MICAL2: variants seen among roughly 807,000 people sequenced by gnomAD.
MICAL2 encodes the protein [F-actin]-monooxygenase MICAL2.
MICAL2 carries 77 observed loss-of-function variants against 127.3 expected under a neutral mutation model. That is an observed-to-expected ratio of 0.60 (90% CI 0.50 to 0.73). The LOEUF (loss-of-function observed/expected upper bound fraction) is 0.73, where lower values mean the gene tolerates loss of function less well. MICAL2 is among the 30% of genes least tolerant of loss of function. MICAL2 has a pLI of 0.00. For missense variants in MICAL2, 1,351 were observed against 1,434.4 expected, an observed-to-expected ratio of 0.94 and a Z score of 0.94; for synonymous variants, 570 against 551.1, an observed-to-expected ratio of 1.03 and a Z score of -0.48.
downstream of MICAL2, among the ~76,000 whole-genome samples, chr11:12,291,554 G>A (rs1398988101): frequency 2.6e-5 from 4 of 152,192 alleles, no homozygotes; most frequent in African/African-American, 9.7e-5. Flanking sequence ...CAGGAGCTTG[G>A]CATGGGCCCA....
chr11:12,302,738 C>T (rs1030749307), intron 29 of MICAL2, among the ~76,000 whole-genome samples: 1 of 151,950 alleles, frequency 6.6e-6, no homozygotes, highest in African/African-American at 2.4e-5. Context: ...TCATAAAGTA[C>T]AGAAGCCTCA....
chr11:12,161,104 G>A (rs1157051241), intron 2 of MICAL2, among the ~76,000 whole-genome samples: 1 of 152,224 alleles, frequency 6.6e-6, no homozygotes, highest in Non-Finnish European at 1.5e-5. Flanking sequence ...AGCTGGGTCA[G>A]CCCCAGCTCC....
At chr11:12,319,950 C>T (rs113076780) in intron 30 of MICAL2, 8 of 610,954 alleles carry the variant, frequency 1.3e-5, no homozygotes, top group Non-Finnish European at 2.3e-5. Flanking sequence ...AGAGTGCTCT[C>T]TTTACCTTGA....
At chr11:12,228,836 G>T (rs1857827356) in intron 15 of MICAL2, among the ~76,000 whole-genome samples, 1 of 152,196 alleles carries the variant, frequency 6.6e-6, no homozygotes, top group Admixed American at 6.5e-5. Context: ...GGAGTGGGGA[G>T]TTCCTGGGGT....
Position 12,242,720 on chromosome 11 carries a change from A to G in MICAL2, c.2606A>G (p.Lys869Arg). The change falls in exon 20 of 28, where the codon AAG (lysine) becomes AGG (arginine). Residue 869 changes from lysine to arginine, a missense_variant. Transcript: ENST00000683283. ...AGGGAATTTCACACAAAGAACATTA[A>G]GGAGAAGGCGGCTCACCTTGCCTCC... ...ANREFHTKNIKEKAAHLASMF... is the reference protein window; with the variant it reads ...ANREFHTKNIREKAAHLASMF... 3.1e-6 allele frequency: 5 copies of G among 1,612,492 alleles called. No homozygotes were observed. Among genetic ancestry groups the G allele is most frequent in the Non-Finnish European group, 2.5e-6 (3 of 1,179,492 alleles).
intron 29 of MICAL2, among the ~76,000 whole-genome samples, chr11:12,317,381 C>A (rs1399155194): frequency 6.6e-6 from 1 of 152,194 alleles, no homozygotes; most frequent in African/African-American, 2.4e-5. Context: ...AAAATAGATG[C>A]TTCATGTATT....
chr11:12,174,356 C>A (rs558623964), intron 3 of MICAL2, among the ~76,000 whole-genome samples: 1 of 149,744 alleles, frequency 6.7e-6, no homozygotes, highest in Non-Finnish European at 1.5e-5. Flanking sequence ...CTCTCCTCCC[C>A]ACCCCCACCC....
At chr11:12,223,590 T>G (rs1857075632) in intron 12 of MICAL2, 89 bp downstream of exon 12, 1 of 1,175,366 alleles carries the variant, frequency 8.5e-7, no homozygotes, top group Non-Finnish European at 1.3e-6. Context: ...ACACAGGCAC[T>G]GCAACCAGCC....
intron 3 of MICAL2, among the ~76,000 whole-genome samples, chr11:12,163,262 A>G (rs1397739307): frequency 6.6e-6 from 1 of 152,132 alleles, no homozygotes; most frequent in Non-Finnish European, 1.5e-5. Flanking sequence ...GTCTCAGCTG[A>G]CTTCCCTGGT....
intron 29 of MICAL2, among the ~76,000 whole-genome samples, chr11:12,311,427 T>C (rs1209884656): frequency 6.6e-6 from 1 of 152,028 alleles, no homozygotes; most frequent in Non-Finnish European, 1.5e-5. Context: ...TTTATTTTAT[T>C]TTGAGACAGA....
At chr11:12,192,403 C>A (rs1357665795) in intron 3 of MICAL2, among the ~76,000 whole-genome samples, 3 of 152,210 alleles carry the variant, frequency 2.0e-5, no homozygotes, top group African/African-American at 7.2e-5. Flanking sequence ...CTGCTGGGAT[C>A]ACAGTGTCCA....
intron 3 of MICAL2, among the ~76,000 whole-genome samples, chr11:12,177,212 T>C (rs993650790): frequency 1.3e-5 from 2 of 152,200 alleles, no homozygotes; most frequent in Admixed American, 1.3e-4. Context: ...TGAGGTGGCA[T>C]CTCATGATTT....
chr11:12,325,814 C>T (rs545164103), intron 31 of MICAL2, among the ~76,000 whole-genome samples: 6 of 152,298 alleles, frequency 3.9e-5, no homozygotes, highest in African/African-American at 1.4e-4. Context: ...TGGGGTGGGA[C>T]ACAATTTAGT....
At chr11:12,356,532 C>T (rs931583312) in intron 34 of MICAL2, among the ~76,000 whole-genome samples, 1 of 152,142 alleles carries the variant, frequency 6.6e-6, no homozygotes, top group Non-Finnish European at 1.5e-5. Context: ...CATCCCCCAT[C>T]ATTGGGCTGC....
In MICAL2 at chr11:12,146,300, T is replaced by G. The variant is rs574136203; in HGVS notation, c.-78+7840T>G. Among the ~76,000 whole-genome samples the G allele has an allele frequency of 3.2e-3, 492 of 152,236 alleles. 2 individuals carry two copies. Among genetic ancestry groups the G allele is most frequent in the African/African-American group, 9.6e-3 (400 of 41,526 alleles). On this transcript the variant is annotated intron_variant, in intron 2 of 27. Coordinates refer to ENST00000683283, the MANE Select transcript of MICAL2 (RefSeq NM_001282663.2). Reference sequence around the variant, plus strand: ...GGCAACCTACAGAATGGGAGAAAATTTTTGCAATCTACTCATCTGACAAAG... The same window carrying G: ...GGCAACCTACAGAATGGGAGAAAATGTTTGCAATCTACTCATCTGACAAAG...
In MICAL2 at chr11:12,255,750, G is replaced by A; in HGVS notation, c.2955G>A (p.Leu985=). ...RPKAQATSPD[L]ESMRKSFPLN... ...AGGCCCAGGCCACCTCTCCAGACCT[G>A]GTAAGGACATGCACCCCCAGCCTTC... Residue 985 remains leucine, a splice_region_variant and synonymous_variant, in exon 23 of 28, where the codon CTG becomes CTA. Coordinates refer to ENST00000683283, the MANE Select transcript of MICAL2 (RefSeq NM_001282663.2). 6.2e-7 allele frequency: 1 copy of A among 1,611,290 alleles called. No homozygotes were observed. The highest frequency in any genetic ancestry group is 8.5e-7 in the Non-Finnish European group (1 of 1,178,436).
At chr11:12,320,409 A>G (rs949525082) in intron 30 of MICAL2, among the ~76,000 whole-genome samples, 2 of 152,176 alleles carry the variant, frequency 1.3e-5, no homozygotes, top group African/African-American at 4.8e-5. Context: ...CAAACATTTT[A>G]TATGTTTATA....
chr11:12,239,497 G>A lies in MICAL2; in HGVS notation c.2126G>A (p.Gly709Asp), dbSNP rs368460136. The A allele has an allele frequency of 8.7e-6, 14 of 1,614,110 alleles. No individual in the cohort carries two copies. In the African/African-American group the frequency reaches 1.6e-4, roughly 18 times the overall value. Residue 709 changes from glycine (G) to aspartate (D), a missense_variant, in exon 17 of 28, where the codon GGT (glycine) becomes GAT (aspartate). This residue lies in a region of MICAL2 where 752 missense variants were observed against 719.4 expected (regional missense o/e 1.05). Coordinates refer to ENST00000683283, the MANE Select transcript of MICAL2 (RefSeq NM_001282663.2). The part of the protein sequence containing the change: ...SNQECGSSKE[G>D]GNQNKVKSMA... ...CAAGAGTGTGGGAGCAGTAAGGAAGGTGGAAATCAGAACAAAGTCAAGTCC... is the reference window on the plus strand; with the variant it reads ...CAAGAGTGTGGGAGCAGTAAGGAAGATGGAAATCAGAACAAAGTCAAGTCC...
At chr11:12,177,018 T>C (rs1026360594) in intron 3 of MICAL2, among the ~76,000 whole-genome samples, 3 of 152,220 alleles carry the variant, frequency 2.0e-5, no homozygotes, top group Middle Eastern at 3.2e-3. Context: ...GTATGTGGTA[T>C]ACCCAGAAGT....
Sources: allele counts gnomAD v4.1 joint callset (sites outside exome capture counted in the v4.1 genomes callset), GRCh38; gene constraint gnomAD v4.1.1; regional missense constraint gnomAD v4.1.1; transcripts MANE v1.5; gene names NCBI Gene and HGNC (gene_info 2026-07-23, HGNC 2026-07-21).